The following CLEC16A variants were observed in gnomAD, a reference collection of about 807,000 sequenced individuals.
CLEC16A encodes C-type lectin domain containing 16A, also known as protein CLEC16A.
A neutral mutation model predicts 109.5 loss-of-function variants in CLEC16A; 51 were observed. The ratio of observed to expected loss-of-function variants is 0.47; its 90% CI spans 0.37 to 0.59. The LOEUF (loss-of-function observed/expected upper bound fraction) is 0.59. CLEC16A is among the 20% of genes least tolerant of loss of function. The probability of loss-of-function intolerance (pLI) is 0.00; values close to 1 mark genes in which losing one functional copy is unlikely to be tolerated. For synonymous variants in CLEC16A, 673 were observed against 564.2 expected, an observed-to-expected ratio of 1.19 and a Z score of -2.73; for missense variants, 1,339 against 1,394.0, an observed-to-expected ratio of 0.96 and a Z score of 0.63.
At chr16:11,093,671 G>A (rs1447548135) in intron 19 of CLEC16A, among the ~76,000 whole-genome samples, 1 of 152,186 alleles carries the variant, frequency 6.6e-6, no homozygotes, top group African/African-American at 2.4e-5. Flanking sequence ...CCTGGGCACA[G>A]CACAGGTGGA....
At position 11,122,590 on chromosome 16, in the gene CLEC16A, G is replaced by A. The variant is rs145567719; in HGVS notation, c.2269-1152G>A. On this transcript the variant is annotated intron_variant, in intron 20 of 23. Transcript: ENST00000409790. ...CTGATCTTACTGCCGCGTTTTGATG[G>A]GGGTGTTATCTCCAAAGAGCCTGTG... Among the ~76,000 whole-genome samples, 18 of 152,226 alleles carry A rather than the reference G, an allele frequency of 1.2e-4. No individual in the cohort carries two copies. The East Asian group carries it at 3.5e-3, about 29-fold the overall frequency.
chr16:11,050,970 C>T (rs1026745823), intron 17 of CLEC16A, among the ~76,000 whole-genome samples: 3 of 152,212 alleles, frequency 2.0e-5, no homozygotes, highest in Non-Finnish European at 2.9e-5. Flanking sequence ...ACCAGCTGAG[C>T]GACCTTGGAT....
Position 10,967,671 on chromosome 16 carries a change from T to C in CLEC16A, c.344-1490T>C, listed in dbSNP as rs117039159. On this transcript the variant is annotated intron_variant, in intron 3 of 23. Coordinates refer to ENST00000409790, the MANE Select transcript of CLEC16A (RefSeq NM_015226.3). ...GAATCAGTGACTACTACTACTGTCCTGAGTGCTTTCTGTGCATTTTCTCCA... is the reference window on the plus strand; with the variant it reads ...GAATCAGTGACTACTACTACTGTCCCGAGTGCTTTCTGTGCATTTTCTCCA... Among the ~76,000 whole-genome samples the C allele has an allele frequency of 9.1e-4, 139 of 152,374 alleles. 5 individuals carry two copies. The East Asian group carries it at 0.018, about 20-fold the overall frequency.
intron 15 of CLEC16A, among the ~76,000 whole-genome samples, chr16:11,043,025 CAT>C (rs931672240): frequency 3.1e-4 from 47 of 151,234 alleles, no homozygotes; most frequent in Non-Finnish European, 5.5e-4. Context: ...CATCTATTTA[CAT>C]ATGTAAATGA....
chr16:11,083,674 C>T (rs770628198), intron 19 of CLEC16A, among the ~76,000 whole-genome samples: 3 of 152,260 alleles, frequency 2.0e-5, no homozygotes, highest in Non-Finnish European at 2.9e-5. Flanking sequence ...TTTCCTCCAA[C>T]ACTGATTTGG....
intron 23 of CLEC16A, among the ~76,000 whole-genome samples, chr16:11,169,215 G>T (rs535985325): frequency 7.9e-5 from 12 of 152,228 alleles, no homozygotes; most frequent in Non-Finnish European, 1.5e-5. Context: ...CTTTTGTAGA[G>T]AGCGGCTGCC....
At chr16:11,152,619 G>T (rs1022479675) in intron 22 of CLEC16A, among the ~76,000 whole-genome samples, 1 of 152,188 alleles carries the variant, frequency 6.6e-6, no homozygotes, top group Non-Finnish European at 1.5e-5. Flanking sequence ...CTGTAGATAG[G>T]GTTGTTTTGT....
chr16:10,980,128 G>A (rs2043236336), intron 9 of CLEC16A, among the ~76,000 whole-genome samples: 1 of 152,164 alleles, frequency 6.6e-6, no homozygotes, highest in South Asian at 2.1e-4. Flanking sequence ...TATTTGCTTT[G>A]ATGAGGAACT....
intron 19 of CLEC16A, among the ~76,000 whole-genome samples, chr16:11,065,051 G>A (rs1032566781): frequency 7.2e-5 from 11 of 152,208 alleles, no homozygotes; most frequent in African/African-American, 2.7e-4. Context: ...GTTTTGAGGG[G>A]TAAGAAAGAT....
intron 1 of CLEC16A, among the ~76,000 whole-genome samples, chr16:10,956,387 G>C (rs1307212723): frequency 6.6e-6 from 1 of 152,106 alleles, no homozygotes; most frequent in Non-Finnish European, 1.5e-5. Context: ...TTGTAGATGG[G>C]ACAATCCTAT....
intron 10 of CLEC16A, among the ~76,000 whole-genome samples, chr16:10,988,126 C>G (rs1321341551): frequency 1.3e-5 from 2 of 152,188 alleles, no homozygotes; most frequent in Non-Finnish European, 1.5e-5. Context: ...TAGGACAACA[C>G]TAATTCTGAA....
intron 11 of CLEC16A, among the ~76,000 whole-genome samples, chr16:11,014,783 G>A (rs543265915): frequency 2.0e-5 from 3 of 152,290 alleles, no homozygotes; most frequent in South Asian, 2.1e-4. Flanking sequence ...GCAGTGTGGC[G>A]CCCGCACCTT....
chr16:10,980,229 C>G (rs971736107), intron 9 of CLEC16A, among the ~76,000 whole-genome samples: 4 of 152,140 alleles, frequency 2.6e-5, no homozygotes, highest in African/African-American at 9.7e-5. Flanking sequence ...CCACCTCCTC[C>G]CCGGCAGGTA....
intron 22 of CLEC16A, among the ~76,000 whole-genome samples, chr16:11,135,042 C>T (rs1294255976): frequency 6.6e-6 from 1 of 152,244 alleles, no homozygotes; most frequent in African/African-American, 2.4e-5. Flanking sequence ...GGGCTCGTTC[C>T]TGCACAGGTT....
chr16:11,117,695 CA>C (rs2052101417), intron 19 of CLEC16A, among the ~76,000 whole-genome samples: 1 of 152,212 alleles, frequency 6.6e-6, no homozygotes, highest in Non-Finnish European at 1.5e-5. Flanking sequence ...ATTCTCACTT[CA>C]CTCCTCATGG....
At chr16:10,946,580 G>T (rs1367898554) in intron 1 of CLEC16A, among the ~76,000 whole-genome samples, 1 of 152,142 alleles carries the variant, frequency 6.6e-6, no homozygotes, top group Non-Finnish European at 1.5e-5. Context: ...AATTTATCGA[G>T]TGGGCGGAGG....
intron 16 of CLEC16A, among the ~76,000 whole-genome samples, chr16:11,045,841 T>G (rs1192128670): frequency 2.6e-5 from 4 of 152,214 alleles, no homozygotes; most frequent in Non-Finnish European, 5.9e-5. Context: ...CAGGAATCGT[T>G]TTAAGCGACT....
chr16:11,144,977 A>T (rs2053991442), intron 22 of CLEC16A, among the ~76,000 whole-genome samples: 1 of 152,136 alleles, frequency 6.6e-6, no homozygotes, highest in Non-Finnish European at 1.5e-5. Flanking sequence ...TAGAGCAGGG[A>T]AGGCTCTGGA....
chr16:11,165,466 T>C (rs2068217694), intron 22 of CLEC16A, among the ~76,000 whole-genome samples: 1 of 152,170 alleles, frequency 6.6e-6, no homozygotes, highest in Admixed American at 6.5e-5. Context: ...CACTCCAGGC[T>C]GGGCAACAGA....
Sources: gnomAD v4.1 joint callset for allele counts (sites outside exome capture counted in the v4.1 genomes callset) on GRCh38, gnomAD v4.1.1 for gene constraint, MANE v1.5 for transcripts, NCBI Gene and HGNC (gene_info 2026-07-23, HGNC 2026-07-21) for gene names.